MACROD2: variants seen among roughly 807,000 people sequenced by gnomAD.
MACROD2 encodes the protein mono-ADP ribosylhydrolase 2.
MACROD2 carries 36 observed loss-of-function variants against 70.4 expected under a neutral mutation model. The observed-to-expected ratio is 0.51, with a 90% CI of 0.39 to 0.68. The LOEUF is 0.68. Ranked by LOEUF, MACROD2 falls within the 30% of genes least tolerant of loss-of-function variation. MACROD2 has a pLI of 0.00. For synonymous variants in MACROD2, 172 were observed against 178.8 expected (o/e 0.96, Z 0.30); for missense variants, 496 against 538.4 (o/e 0.92, Z 0.78).
intron 6 of MACROD2, among the ~76,000 whole-genome samples, chr20:15,400,262 G>T (rs566795885): frequency 1.3e-5 from 2 of 152,282 alleles, no homozygotes; most frequent in South Asian, 4.1e-4. Context: ...CCCCAGTTTA[G>T]CTTCTGCATA....
chr20:15,538,402 G>T (rs6074913), intron 8 of MACROD2, among the ~76,000 whole-genome samples: 1 of 152,146 alleles, frequency 6.6e-6, no homozygotes, highest in Non-Finnish European at 1.5e-5. Context: ...AAGATTTCTT[G>T]CTCAATGACC....
intron 6 of MACROD2, among the ~76,000 whole-genome samples, chr20:15,258,462 G>C (rs2077219407): frequency 6.6e-6 from 1 of 152,034 alleles, no homozygotes. Context: ...GTTTAGATAT[G>C]TTTAGATACA....
chr20:15,903,161 A>G (rs936731289), intron 10 of MACROD2, among the ~76,000 whole-genome samples: 2 of 152,084 alleles, frequency 1.3e-5, no homozygotes, highest in African/African-American at 4.8e-5. Context: ...AGATCACTCG[A>G]GGTCAGGAGT....
intron 8 of MACROD2, among the ~76,000 whole-genome samples, chr20:15,856,810 C>T (rs2064361672): frequency 6.6e-6 from 1 of 152,130 alleles, no homozygotes; most frequent in Admixed American, 6.5e-5. Flanking sequence ...ACAGCTTGTT[C>T]ATAAAAGAGC....
At chr20:15,221,947 G>A (rs1005511599) in intron 5 of MACROD2, among the ~76,000 whole-genome samples, 6 of 152,190 alleles carry the variant, frequency 3.9e-5, no homozygotes, top group Non-Finnish European at 7.3e-5. Flanking sequence ...TTTAGTTGCT[G>A]TGTATGTAAC....
At chr20:15,625,214 TA>T (rs1335410822) in intron 8 of MACROD2, among the ~76,000 whole-genome samples, 1 of 152,194 alleles carries the variant, frequency 6.6e-6, no homozygotes, top group Non-Finnish European at 1.5e-5. Flanking sequence ...CGTTCTTTCC[TA>T]AAGAGAAGCA....
intron 5 of MACROD2, among the ~76,000 whole-genome samples, chr20:14,813,235 T>A (rs1330087312): frequency 6.6e-6 from 1 of 151,852 alleles, no homozygotes; most frequent in Admixed American, 6.6e-5. Context: ...GGTGTGCAGG[T>A]TTGTTTCATA....
intron 8 of MACROD2, among the ~76,000 whole-genome samples, chr20:15,668,291 C>T (rs530529522): frequency 3.7e-4 from 55 of 149,126 alleles, no homozygotes; most frequent in East Asian, 2.8e-3. Flanking sequence ...ATGCTGGGCA[C>T]GGTGGCTCAT....
chr20:15,953,272 C>G (rs564865622), intron 12 of MACROD2, among the ~76,000 whole-genome samples: 2 of 151,762 alleles, frequency 1.3e-5, no homozygotes, highest in African/African-American at 2.4e-5. Context: ...ATAACTAGAT[C>G]GAAGAAATAA....
chr20:15,573,977 TTG>T (rs2048410308), intron 8 of MACROD2, among the ~76,000 whole-genome samples: 1 of 152,176 alleles, frequency 6.6e-6, no homozygotes, highest in Non-Finnish European at 1.5e-5. Flanking sequence ...CAGTGTGATT[TTG>T]TGTGTGACAT....
At chr20:15,007,596 G>T (rs1041470487) in intron 5 of MACROD2, among the ~76,000 whole-genome samples, 1 of 152,128 alleles carries the variant, frequency 6.6e-6, no homozygotes, top group Non-Finnish European at 1.5e-5. Context: ...TAAGTTAAAG[G>T]GATTTAATAT....
At chr20:15,306,310 G>C (rs929495884) in intron 6 of MACROD2, among the ~76,000 whole-genome samples, 3 of 152,116 alleles carry the variant, frequency 2.0e-5, no homozygotes, top group Non-Finnish European at 2.9e-5. Context: ...TGAGAATCTG[G>C]ACTTAATATT....
At chr20:14,244,625 A>G (rs2081954966) in intron 3 of MACROD2, among the ~76,000 whole-genome samples, 1 of 152,200 alleles carries the variant, frequency 6.6e-6, no homozygotes. Flanking sequence ...CCTCCTTTTA[A>G]AACAACTTCT....
rs57584580 is a variant in MACROD2 at position 15,605,453 on chromosome 20, CGTGT to C, written c.645+105639_645+105642del. Among the ~76,000 whole-genome samples the C allele has an allele frequency of 7.6e-3, 1,081 of 141,752 alleles. 12 individuals are homozygous for C. The highest frequency in any genetic ancestry group is 0.022 in the African/African-American group (848 of 37,952). The allele number at this position is 141,752 out of a possible 152,430, so 93.0% of individuals were successfully genotyped here. On this transcript the variant is annotated intron_variant, in intron 8 of 17. Coordinates refer to ENST00000684519, the MANE Select transcript of MACROD2 (RefSeq NM_001351661.2). ...TCAGTTAGAAAAAACAGGATGTAAG[CGTGT>C]GTGTGTGTGTGTGTGTGTGTGTGTG... is the stretch of plus-strand genomic sequence containing the variant.
Position 15,230,070 on chromosome 20 carries a change from T to C in MACROD2, c.540+9T>C, listed in dbSNP as rs1459863667. ...ATAACATCCGATCAGTTGTAAGTAATTTTATGTTTTTTATTTCTCACTCTT... is the reference window on the plus strand; with the variant it reads ...ATAACATCCGATCAGTTGTAAGTAACTTTATGTTTTTTATTTCTCACTCTT... On this transcript the variant is annotated intron_variant, in intron 6 of 17. Coordinates refer to ENST00000684519, the MANE Select transcript of MACROD2 (RefSeq NM_001351661.2). 1 of 1,609,136 alleles carries C rather than the reference T, an allele frequency of 6.2e-7. No homozygotes were observed. The highest frequency in any genetic ancestry group is 1.3e-5 in the African/African-American group (1 of 74,736).
chr20:14,280,346 A>G (rs926197084), intron 3 of MACROD2, among the ~76,000 whole-genome samples: 12 of 152,204 alleles, frequency 7.9e-5, no homozygotes, highest in African/African-American at 2.9e-4. Context: ...TTTGGAAGAT[A>G]TATGCTTAAT....
intron 12 of MACROD2, among the ~76,000 whole-genome samples, chr20:15,949,984 AG>A (rs2065882672): frequency 6.6e-6 from 1 of 152,160 alleles, no homozygotes; most frequent in South Asian, 2.1e-4. Flanking sequence ...GACTCCCAAA[AG>A]TGTACTATTT....
chr20:14,067,123 G>GTTT (rs544348706), intron 2 of MACROD2, among the ~76,000 whole-genome samples: 1,514 of 85,022 alleles, frequency 0.018, 79 homozygotes, highest in East Asian at 0.073. Context: ...ATTTTTTAGT[G>GTTT]TTTTTTTTTT....
chr20:14,365,008 C>G (rs375990706), intron 3 of MACROD2, among the ~76,000 whole-genome samples: 5 of 152,056 alleles, frequency 3.3e-5, no homozygotes, highest in African/African-American at 9.7e-5. Context: ...GTATTTCTTC[C>G]GCTGCTGTTT....
Sources: allele counts gnomAD v4.1 joint callset (sites outside exome capture counted in the v4.1 genomes callset), GRCh38; gene constraint gnomAD v4.1.1; transcripts MANE v1.5; gene names NCBI Gene and HGNC (gene_info 2026-07-23, HGNC 2026-07-21).